NEXN: variants seen among roughly 807,000 people sequenced by gnomAD.
NEXN encodes the protein nexilin F-actin binding protein, also known as nexilin.
Under a neutral mutation model 92.6 loss-of-function variants are expected in NEXN, and 65 were observed. The observed-to-expected ratio is 0.70, with a 90% confidence interval of 0.57 to 0.86. NEXN has a LOEUF of 0.86. Among genes scored for constraint, NEXN ranks in the 40% least tolerant of loss-of-function variants. The pLI is 0.00. For missense variants in NEXN, 778 were observed against 771.1 expected (o/e 1.01, Z -0.11); for synonymous variants, 254 against 242.5 (o/e 1.05, Z -0.44).
chr1:77,940,080 T>C (rs1250245710), intron 11 of NEXN, among the ~76,000 whole-genome samples: 2 of 152,162 alleles, frequency 1.3e-5, no homozygotes, highest in Non-Finnish European at 2.9e-5. Context: ...CAATGTTCAA[T>C]GTGTCTTCAA....
Position 77,918,038 on chromosome 1 carries a change from G to A in NEXN, c.298G>A (p.Gly100Arg), listed in dbSNP as rs1361285566. The A allele has an allele frequency of 6.2e-7, 1 of 1,613,110 alleles. No homozygotes were observed. Among genetic ancestry groups the A allele is most frequent in the Non-Finnish European group, 8.5e-7 (1 of 1,179,294 alleles). The change falls in exon 4 of 13, where the codon GGA (glycine) becomes AGA (arginine). Residue 100 changes from glycine to arginine, a missense_variant and splice_region_variant. By Grantham distance (125) the Gly-to-Arg change is moderately radical (BLOSUM62 -2). This residue lies in a region of NEXN where 236 missense variants were observed against 265.6 expected (regional missense o/e 0.89). Transcript: ENST00000334785. ...AAAGGCTTATGTTCCAAAATTAACA[G>A]GTAAGAAGCTTGAGGGGTAAATAGT... ...VEKAYVPKLT[G>R]TVKGRFAEME...
chr1:77,896,011 A>C (rs1316800851), intron 1 of NEXN, among the ~76,000 whole-genome samples: 1 of 151,916 alleles, frequency 6.6e-6, no homozygotes, highest in Admixed American at 6.6e-5. Context: ...CCCTGTCTGT[A>C]CTAAAAAAAA....
At chr1:77,933,069 G>A (rs1650438728) in intron 9 of NEXN, 2 of 395,268 alleles carry the variant, frequency 5.1e-6, no homozygotes, top group Non-Finnish European at 9.3e-6. Context: ...GCTGAGGCAG[G>A]AGAATCGCTT....
At chr1:77,941,933 A>G in intron 11 of NEXN, 90 bp from the exon 12 acceptor site, 3 of 1,289,140 alleles carry the variant, frequency 2.3e-6, no homozygotes, top group Non-Finnish European at 3.3e-6. Flanking sequence ...CATGTTAATC[A>G]TTTTGTGCTT....
At chr1:77,927,023 A>G (rs1419710638) in intron 8 of NEXN, 131 bp downstream of exon 8, 1 of 1,221,838 alleles carries the variant, frequency 8.2e-7, no homozygotes, top group African/African-American at 1.5e-5. Context: ...TTCATATTTC[A>G]TATATAAAAT....
chr1:77,916,533 A>G (rs896906699), intron 2 of NEXN, among the ~76,000 whole-genome samples: 1 of 152,174 alleles, frequency 6.6e-6, no homozygotes, highest in Non-Finnish European at 1.5e-5. Flanking sequence ...CCTTATATAT[A>G]TATTTTAATT....
rs1179163117 is a variant in NEXN at position 77,926,609 on chromosome 1, A to G, written c.685A>G (p.Met229Val). 4 of 1,613,956 alleles carry G rather than the reference A, an allele frequency of 2.5e-6. No homozygotes were observed. Among genetic ancestry groups the G allele is most frequent in the African/African-American group, 2.7e-5 (2 of 75,028 alleles). ...LKEAKCLSLV[M>V]DDEIESEAKK... is the part of the protein sequence containing the mutation. ...GGAAGCAAAGTGTCTTTCATTAGTTATGGTAAATTTTTGTTTGTTTGTTTT... is the reference window on the plus strand; with the variant it reads ...GGAAGCAAAGTGTCTTTCATTAGTTGTGGTAAATTTTTGTTTGTTTGTTTT... The change falls in exon 7 of 13, where the codon ATG (methionine) becomes GTG (valine). Residue 229 changes from methionine (M) to valine (V), a missense_variant and splice_region_variant. Met to Val is a conservative substitution (Grantham distance 21, BLOSUM62 1). Transcript: ENST00000334785.
At chr1:77,895,295 T>C (rs1428165700) in intron 1 of NEXN, among the ~76,000 whole-genome samples, 1 of 151,984 alleles carries the variant, frequency 6.6e-6, no homozygotes, top group Non-Finnish European at 1.5e-5. Flanking sequence ...TCCGCCCGCC[T>C]TGGCCTCTGA....
chr1:77,905,240 T>A (rs1341645508), intron 1 of NEXN, among the ~76,000 whole-genome samples: 1 of 141,056 alleles, frequency 7.1e-6, no homozygotes, highest in East Asian at 2.2e-4. Flanking sequence ...GCCTGGGCAG[T>A]GGAGTGAGAC....
At position 77,943,039 on chromosome 1, in the gene NEXN, T is replaced by C. The variant is rs1651533468; in HGVS notation, c.*210T>C. The C allele has an allele frequency of 1.6e-6, 1 of 608,734 alleles. No individual in the cohort carries two copies. Among genetic ancestry groups the C allele is most frequent in the Admixed American group, 2.5e-5 (1 of 40,288 alleles). 37.7% of individuals were successfully genotyped at this position (608,734 alleles called of 1,614,324 possible). A position where few individuals can be genotyped will look rare whatever the true frequency, so the allele number is the denominator to read the frequency against. ...TATGCTGACTTCTTATTCCTTTTCATAACAGTCTTCAAAGCACAGCTCATC... is the reference window on the plus strand; with the variant it reads ...TATGCTGACTTCTTATTCCTTTTCACAACAGTCTTCAAAGCACAGCTCATC... On this transcript the variant is annotated 3_prime_UTR_variant, in exon 13 of 13. Transcript: ENST00000334785.
chr1:77,914,074 T>C (rs113208041), intron 1 of NEXN, among the ~76,000 whole-genome samples: 3,693 of 152,248 alleles, frequency 0.024, 50 homozygotes, highest in Middle Eastern at 0.065. Context: ...TACCAGGAAT[T>C]ATGGGGGAGA....
rs60137071 is a variant in NEXN, at chr1:77,896,170, C to CAATA, written c.-53+7437_-53+7440dup. On this transcript the variant is annotated intron_variant, in intron 1 of 12. Transcript: ENST00000334785. ...TGGGTGACACAGTGAGACTTTGTCT[C>CAATA]AATAAATAAATAAATAAATAAATAA... Among the ~76,000 whole-genome samples the CAATA allele has an allele frequency of 4.8e-3, 687 of 144,342 alleles. 5 individuals carry two copies. Among genetic ancestry groups the CAATA allele is most frequent in the South Asian group, 0.029 (125 of 4,328 alleles). The allele number at this position is 144,342 out of a possible 152,430, so 94.7% of individuals were successfully genotyped here.
At chr1:77,909,436 A>G (rs531974959) in intron 1 of NEXN, among the ~76,000 whole-genome samples, 1 of 152,092 alleles carries the variant, frequency 6.6e-6, no homozygotes, top group African/African-American at 2.4e-5. Context: ...ATAAATAAAT[A>G]AATAAATTAA....
chr1:77,902,791 A>G (rs1479138716), intron 1 of NEXN, among the ~76,000 whole-genome samples: 1 of 152,216 alleles, frequency 6.6e-6, no homozygotes, highest in Non-Finnish European at 1.5e-5. Context: ...TATGCCAGAT[A>G]CACCTAGAAA....
Position 77,942,693 on chromosome 1 carries a change from T to C in NEXN, c.1892T>C (p.Ile631Thr), listed in dbSNP as rs775292649. 1.7e-5 allele frequency: 28 copies of C among 1,613,634 alleles called. No homozygotes were observed. The highest frequency in any genetic ancestry group is 4.4e-5 in the South Asian group (4 of 91,068). ...ILQDGEDYQY[I>T]ERGETYCLYL... is the part of the protein sequence containing the mutation. The stretch of plus-strand genomic sequence containing the variant: ...CAGGATGGAGAAGACTATCAATATA[T>C]TGAAAGGGGAGAAACTTACTGCCTT... The change falls in exon 13 of 13, where the codon ATT (isoleucine) becomes ACT (threonine). Residue 631 changes from isoleucine to threonine, a missense_variant. Ile to Thr is a moderately conservative substitution (Grantham distance 89). Around this residue, in one of 3 missense-constraint regions of NEXN, gnomAD observed 532 missense variants for 476.7 expected, o/e 1.12. Coordinates refer to ENST00000334785, the MANE Select transcript of NEXN (RefSeq NM_144573.4).
chr1:77,938,776 G>T (rs1651004207), intron 11 of NEXN, among the ~76,000 whole-genome samples: 1 of 152,126 alleles, frequency 6.6e-6, no homozygotes, highest in Admixed American at 6.6e-5. Flanking sequence ...TGCAGGTAAA[G>T]AGGAGAGACA....
At chr1:77,921,220 G>T (rs1649392883) in intron 5 of NEXN, among the ~76,000 whole-genome samples, 1 of 152,050 alleles carries the variant, frequency 6.6e-6, no homozygotes, top group Non-Finnish European at 1.5e-5. Flanking sequence ...AGGTGGTGGT[G>T]GGTGCCTATA....
At chr1:77,903,391 A>G (rs1378852071) in intron 1 of NEXN, among the ~76,000 whole-genome samples, 1 of 152,206 alleles carries the variant, frequency 6.6e-6, no homozygotes, top group Non-Finnish European at 1.5e-5. Context: ...TAGCTGCCCT[A>G]TAGCAACTGA....
At chr1:77,913,718 G>A (rs1648753093) in intron 1 of NEXN, among the ~76,000 whole-genome samples, 1 of 152,006 alleles carries the variant, frequency 6.6e-6, no homozygotes, top group South Asian at 2.1e-4. Context: ...CTACATGGTG[G>A]TTTCTTATAA....
Sources: allele counts gnomAD v4.1 joint callset (sites outside exome capture counted in the v4.1 genomes callset), GRCh38; gene constraint gnomAD v4.1.1; regional missense constraint gnomAD v4.1.1; transcripts MANE v1.5; gene names NCBI Gene and HGNC (gene_info 2026-07-23, HGNC 2026-07-21).